The following MAP4 variants were observed in gnomAD, a reference collection of about 807,000 sequenced individuals.
MAP4 encodes the protein microtubule associated protein 4.
A neutral mutation model predicts 170.2 loss-of-function variants in MAP4; 76 were observed. The ratio of observed to expected loss-of-function variants is 0.45; its 90% CI spans 0.37 to 0.54. The LOEUF (loss-of-function observed/expected upper bound fraction) is 0.54, where lower values mean the gene tolerates loss of function less well. Among genes scored for constraint, MAP4 ranks in the 20% least tolerant of loss-of-function variants. The pLI is 0.00. For synonymous variants in MAP4, 909 were observed against 994.5 expected, an observed-to-expected ratio of 0.91 and a Z score of 1.62; for missense variants, 2,506 against 2,748.0, an observed-to-expected ratio of 0.91 and a Z score of 1.97.
chr3:48,071,895 C>T (rs891409010), intron 1 of MAP4, among the ~76,000 whole-genome samples: 5 of 151,394 alleles, frequency 3.3e-5, no homozygotes, highest in Admixed American at 2.0e-4. Context: ...CAGAGTTAGA[C>T]TTGGTCTCAA....
At chr3:48,066,789 C>G (rs2100138441) in intron 1 of MAP4, among the ~76,000 whole-genome samples, 1 of 146,262 alleles carries the variant, frequency 6.8e-6, no homozygotes, top group Admixed American at 6.9e-5. Context: ...CTGTCCCCAC[C>G]TCTTTATTCT....
At chr3:48,029,236 A>G (rs2100114694) in intron 1 of MAP4, among the ~76,000 whole-genome samples, 1 of 152,018 alleles carries the variant, frequency 6.6e-6, no homozygotes, top group Non-Finnish European at 1.5e-5. Context: ...TCAGGAGTTC[A>G]AGACCAGCCT....
At chr3:48,082,651 A>T (rs2100147165) in intron 1 of MAP4, among the ~76,000 whole-genome samples, 1 of 152,054 alleles carries the variant, frequency 6.6e-6, no homozygotes. Flanking sequence ...AAAATACAAA[A>T]ATTAGGTGTG....
chr3:48,073,193 G>A (rs1229455816), intron 1 of MAP4, among the ~76,000 whole-genome samples: 1 of 151,658 alleles, frequency 6.6e-6, no homozygotes, highest in African/African-American at 2.4e-5. Flanking sequence ...CTGGGCAACA[G>A]AGAGGCTCCA....
intron 1 of MAP4, among the ~76,000 whole-genome samples, chr3:48,040,680 C>G (rs980101038): frequency 1.8e-4 from 28 of 152,216 alleles, no homozygotes; most frequent in African/African-American, 6.5e-4. Flanking sequence ...TCTCCTGCCT[C>G]AGCCTCCTGA....
chr3:48,071,689 C>T (rs939087003), intron 1 of MAP4, among the ~76,000 whole-genome samples: 1 of 152,096 alleles, frequency 6.6e-6, no homozygotes, highest in Non-Finnish European at 1.5e-5. Flanking sequence ...CTTTGGGAGG[C>T]CAAGGCAGGT....
At chr3:48,075,300 G>A (rs994107543) in intron 1 of MAP4, among the ~76,000 whole-genome samples, 38 of 152,032 alleles carry the variant, frequency 2.5e-4, no homozygotes, top group Admixed American at 1.8e-3. Flanking sequence ...CGAGTCAGGC[G>A]GATCACTTGA....
At chr3:47,979,245 AGTT>A (rs2100084006) in intron 2 of MAP4, among the ~76,000 whole-genome samples, 1 of 135,452 alleles carries the variant, frequency 7.4e-6, no homozygotes, top group Admixed American at 7.7e-5. Flanking sequence ...GTGATTAGGT[AGTT>A]ACCTAATCAC....
At chr3:48,047,131 T>TAAATAAATAAAA (rs1553740017) in intron 1 of MAP4, among the ~76,000 whole-genome samples, 1 of 151,420 alleles carries the variant, frequency 6.6e-6, no homozygotes, top group Non-Finnish European at 1.5e-5. Context: ...AATAAATAAA[T>TAAATAAATAAAA]AAAAATGTTA....
At chr3:48,005,392 T>C (rs2100101719) in intron 1 of MAP4, among the ~76,000 whole-genome samples, 4 of 151,960 alleles carry the variant, frequency 2.6e-5, no homozygotes. Context: ...CTAATTTATA[T>C]AAACAGCAAT....
chr3:47,952,706 C>T (rs183355196), intron 3 of MAP4, among the ~76,000 whole-genome samples: 14 of 151,020 alleles, frequency 9.3e-5, no homozygotes, highest in Non-Finnish European at 1.9e-4. Context: ...GGTCAGATCG[C>T]GAGATCAGGA....
intron 10 of MAP4, among the ~76,000 whole-genome samples, chr3:47,896,555 A>T (rs970323394): frequency 2.6e-5 from 4 of 152,082 alleles, no homozygotes; most frequent in African/African-American, 9.7e-5. Flanking sequence ...AAAAACAACC[A>T]AGAAACTGTA....
intron 1 of MAP4, among the ~76,000 whole-genome samples, chr3:48,005,548 G>C (rs1371136537): frequency 6.6e-6 from 1 of 152,134 alleles, no homozygotes; most frequent in Non-Finnish European, 1.5e-5. Flanking sequence ...TTAAAATAAG[G>C]TTCTAATAGT....
chr3:48,044,322 T>C lies in MAP4; in HGVS notation c.-20+44451A>G, dbSNP rs180677426. Among the ~76,000 whole-genome samples, 66 of 143,300 alleles carry C rather than the reference T, an allele frequency of 4.6e-4. No homozygotes were observed. The East Asian group carries it at 0.013, about 28-fold the overall frequency. 94.0% of individuals were successfully genotyped at this position (143,300 alleles called of 152,430 possible). A position where few individuals can be genotyped will look rare whatever the true frequency, so the allele number is the denominator to read the frequency against. On this transcript the variant is annotated intron_variant, in intron 1 of 18. Transcript: ENST00000360240. ...GGCACCCGCCACCACGCCCGGCTAA[T>C]TTTTTTGTATTTTTAGTAGAGACGG...
intron 3 of MAP4, among the ~76,000 whole-genome samples, chr3:47,951,682 C>T (rs1231418649): frequency 3.3e-5 from 5 of 152,128 alleles, no homozygotes; most frequent in Non-Finnish European, 5.9e-5. Flanking sequence ...AGTGCAGTGG[C>T]GTGATCTCGG....
chr3:48,041,107 G>A (rs1270121868), intron 1 of MAP4, among the ~76,000 whole-genome samples: 2 of 152,100 alleles, frequency 1.3e-5, no homozygotes, highest in African/African-American at 4.8e-5. Context: ...TAAAAGAAGT[G>A]AACAATTTAT....
intron 1 of MAP4, among the ~76,000 whole-genome samples, chr3:48,084,800 T>C (rs1329350979): frequency 1.1e-5 from 1 of 90,616 alleles, no homozygotes; most frequent in East Asian, 3.2e-4. Flanking sequence ...GGGGACCGAC[T>C]AAGTTGTTTT....
chr3:47,867,313 C>T lies in MAP4; in HGVS notation c.6434G>A (p.Ser2145Asn). The T allele has an allele frequency of 6.2e-7, 1 of 1,613,590 alleles. No individual in the cohort carries two copies. Residue 2145 changes from serine (S) to asparagine (N), a missense_variant, in exon 17 of 21, where the codon AGC (serine) becomes AAC (asparagine). Transcript: ENST00000683076. ...GKVQIVSKKV[S>N]YSHIQSKCGS... Reference sequence around the variant, plus strand: ...ACACTTGGACTGAATATGGCTGTAGCTCACTTTTTTGGAGACTATCTGGAC... The same window carrying T: ...ACACTTGGACTGAATATGGCTGTAGTTCACTTTTTTGGAGACTATCTGGAC...
chr3:48,087,745 G>GCACGCACACACA (rs1553761044), intron 1 of MAP4, among the ~76,000 whole-genome samples: 1 of 105,614 alleles, frequency 9.5e-6, no homozygotes, highest in Non-Finnish European at 2.1e-5. Context: ...ACACGCACGC[G>GCACGCACACACA]CACACACACA....
Sources: gnomAD v4.1 joint callset for allele counts (sites outside exome capture counted in the v4.1 genomes callset) on GRCh38, gnomAD v4.1.1 for gene constraint, MANE v1.5 for transcripts, NCBI Gene and HGNC (gene_info 2026-07-23, HGNC 2026-07-21) for gene names.